Variants in PLK1 observed in about 807,000 individuals in gnomAD.
The protein encoded by PLK1 is polo like kinase 1.
In PLK1, 6 loss-of-function variants were observed where a neutral mutation model predicts 56.7. That is an observed-to-expected ratio of 0.11 (90% CI 0.06 to 0.21). PLK1 has a LOEUF of 0.21. PLK1 is among the 10% of genes least tolerant of loss of function. PLK1 has a pLI of 1.00. For synonymous variants in PLK1, 298 were observed against 325.0 expected (o/e 0.92, Z 0.89); for missense variants, 546 against 814.4 (o/e 0.67, Z 4.01).
chr16:23,684,915 C>A lies in PLK1; in HGVS notation c.1036+826C>A, dbSNP rs375687498. On this transcript the variant is annotated intron_variant, in intron 5 of 9. Transcript: ENST00000300093. ...CCTCGTGATCCGCCTGCCTCGGCCT[C>A]CCAAAGGGCTGAGATTACAGGCGTG... Among the ~76,000 whole-genome samples, 14 of 147,432 alleles carry A rather than the reference C, an allele frequency of 9.5e-5. No homozygotes were observed. The East Asian group carries it at 1.4e-3, about 15-fold the overall frequency.
intron 2 of PLK1, among the ~76,000 whole-genome samples, chr16:23,680,695 C>G (rs368653837): frequency 1.1e-4 from 16 of 152,298 alleles, no homozygotes; most frequent in African/African-American, 3.4e-4. Flanking sequence ...CAAAGCATAG[C>G]CCCTTTCTAA....
chr16:23,682,985 CTTTTT>C lies in PLK1; in HGVS notation c.816+847_816+851del, dbSNP rs1031796646. Among the ~76,000 whole-genome samples, 201 of 91,486 alleles carry C rather than the reference CTTTTT, an allele frequency of 2.2e-3. 1 individual carries two copies. Among genetic ancestry groups the C allele is most frequent in the African/African-American group, 8.0e-3 (196 of 24,630 alleles). The allele number at this position is 91,486 out of a possible 152,430, so 60.0% of individuals were successfully genotyped here. A position where few individuals can be genotyped will look rare whatever the true frequency, so the allele number is the denominator to read the frequency against. ...CTAATGGCATAGTTGTGTGCATTTT[CTTTTT>C]TTTTTTTTTTTTTTTTTTGAGATGG... On this transcript the variant is annotated intron_variant, in intron 4 of 9. Transcript: ENST00000300093.
rs1959521856 is a variant in PLK1 at position 23,690,117 on chromosome 16, G to A, written c.*54G>A. ...CTCCTCACTCCCACCTGCATCTGGG[G>A]CCCATACTGGTTGGCTCCCGCGGTG... On this transcript the variant is annotated 3_prime_UTR_variant, in exon 10 of 10. Transcript: ENST00000300093. 7.0e-7 allele frequency: 1 copy of A among 1,426,566 alleles called. No individual in the cohort carries two copies. Among genetic ancestry groups the A allele is most frequent in the Non-Finnish European group, 9.8e-7 (1 of 1,024,580 alleles). 88.4% of individuals were successfully genotyped at this position (1,426,566 alleles called of 1,614,324 possible).
At chr16:23,679,826 G>C in intron 1 of PLK1, 4 of 375,350 alleles carry the variant, frequency 1.1e-5, no homozygotes, top group Non-Finnish European at 1.5e-5. Context: ...AGGACCCCCA[G>C]GTAAGGGGGG....
rs1302143812 is a variant in PLK1 at position 23,684,014 on chromosome 16, A to G, written c.961A>G (p.Ile321Val). The G allele has an allele frequency of 1.2e-6, 2 of 1,614,108 alleles. No individual in the cohort carries two copies. The highest frequency in any genetic ancestry group is 1.7e-6 in the Non-Finnish European group (2 of 1,180,018). Residue 321 changes from isoleucine to valine, a missense_variant, in exon 5 of 10, where the codon ATT becomes GTT. Physicochemically the swap from Ile to Val is conservative, Grantham distance 29. This residue lies in a region of PLK1 where 157 missense variants were observed against 184.0 expected (regional missense o/e 0.85). Coordinates refer to ENST00000300093, the MANE Select transcript of PLK1 (RefSeq NM_005030.6). The stretch of plus-strand genomic sequence containing the variant: ...CCGTCTCCCCATCACCTGCCTGACC[A>G]TTCCACCAAGGTTTTCGATTGCTCC... ...PARLPITCLTIPPRFSIAPSS... is the reference protein window; with the variant it reads ...PARLPITCLTVPPRFSIAPSS...
intron 6 of PLK1, among the ~76,000 whole-genome samples, chr16:23,688,047 C>G (rs534941838): frequency 6.6e-6 from 1 of 152,334 alleles, no homozygotes; most frequent in Non-Finnish European, 1.5e-5. Flanking sequence ...GGCCCCTCTG[C>G]TGGTGCTTCT....
At position 23,689,420 on chromosome 16, in the gene PLK1, G is replaced by C; in HGVS notation, c.1425+28G>C. ...GAGTGCCGTCCGGCCCATGGGGGGT[G>C]GTGTTGCAGAAGTGGGACCTGTGCT... On this transcript the variant is annotated intron_variant, in intron 8 of 9. Transcript: ENST00000300093. The surrounding 1 kb of genome is among the most constrained non-coding windows in gnomAD (Gnocchi z 4.8). The C allele has an allele frequency of 1.2e-6, 2 of 1,601,650 alleles. No homozygotes were observed. The highest frequency in any genetic ancestry group is 1.7e-6 in the Non-Finnish European group (2 of 1,169,422).
At position 23,690,055 on chromosome 16, in the gene PLK1, G is replaced by T. The variant is rs763081575; in HGVS notation, c.1804G>T (p.Ala602Ser). 1.2e-6 allele frequency: 2 copies of T among 1,608,594 alleles called. No individual in the cohort carries two copies. The highest frequency in any genetic ancestry group is 1.3e-5 in the African/African-American group (1 of 74,916). ...SSRSASNRLK[A>S]S ...ACGCTCGGCCAGCAACCGTCTCAAG[G>T]CCTCCTAATAGCTGCCCTCCCCTCC... The change falls in exon 10 of 10, where the codon GCC becomes TCC. Residue 602 changes from alanine to serine, a missense_variant. Physicochemically the swap from Ala to Ser is moderately conservative, Grantham distance 99. Coordinates refer to ENST00000300093, the MANE Select transcript of PLK1 (RefSeq NM_005030.6).
In PLK1 at chr16:23,690,134, C is replaced by CCGCGGGAGCCAA; in HGVS notation, c.*72_*73insGCGGGAGCCAAC. The stretch of plus-strand genomic sequence containing the variant: ...CATCTGGGGCCCATACTGGTTGGCT[C>CCGCGGGAGCCAA]CCGCGGTGCCATGTCTGCAGTGTGC... On this transcript the variant is annotated 3_prime_UTR_variant, in exon 10 of 10. Coordinates refer to ENST00000300093, the MANE Select transcript of PLK1 (RefSeq NM_005030.6). 4 of 1,230,278 alleles carry CCGCGGGAGCCAA rather than the reference C, an allele frequency of 3.3e-6. No homozygotes were observed. Among genetic ancestry groups the CCGCGGGAGCCAA allele is most frequent in the Non-Finnish European group, 4.7e-6 (4 of 850,104 alleles). 76.2% of individuals were successfully genotyped at this position (1,230,278 alleles called of 1,614,324 possible).
At chr16:23,686,081 C>T (rs1023692215) in intron 5 of PLK1, among the ~76,000 whole-genome samples, 8 of 152,038 alleles carry the variant, frequency 5.3e-5, no homozygotes, top group African/African-American at 1.5e-4. Flanking sequence ...CTCTGTCTCC[C>T]GGGCTGGAGT....
intron 1 of PLK1, 132 bp downstream of exon 1, chr16:23,679,472 C>T (rs1567238556): frequency 1.3e-6 from 1 of 788,730 alleles, no homozygotes; most frequent in South Asian, 1.8e-5. Context: ...TGCTGGGAGC[C>T]TCCCGCTTAC....
chr16:23,688,640 A>T, intron 6 of PLK1, 28 bp from the exon 7 acceptor site: 1 of 1,580,972 alleles, frequency 6.3e-7, no homozygotes, highest in Non-Finnish European at 8.7e-7. Flanking sequence ...GTCCTGACCA[A>T]CTAACTGTCT....
At chr16:23,688,964 TG>T (rs1270792550) in intron 7 of PLK1, among the ~76,000 whole-genome samples, 2 of 151,934 alleles carry the variant, frequency 1.3e-5, no homozygotes, top group Non-Finnish European at 2.9e-5. Flanking sequence ...TGGAGTGCAG[TG>T]GCACAATCAT....
rs555101658 is a variant in PLK1, at chr16:23,690,318, G to A, written c.*255G>A. The A allele has an allele frequency of 4.7e-5, 27 of 574,858 alleles. No individual in the cohort carries two copies. The highest frequency in any genetic ancestry group is 4.1e-4 in the African/African-American group (22 of 53,654). The allele number at this position is 574,858 out of a possible 1,614,324, so 35.6% of individuals were successfully genotyped here. On this transcript the variant is annotated 3_prime_UTR_variant, in exon 10 of 10. Coordinates refer to ENST00000300093, the MANE Select transcript of PLK1 (RefSeq NM_005030.6). ...TGTACAGAATATTTCTATTGAATTCGGAACTGTCCTTTCCTTGGCTTTATG... is the reference window on the plus strand; with the variant it reads ...TGTACAGAATATTTCTATTGAATTCAGAACTGTCCTTTCCTTGGCTTTATG...
chr16:23,679,501 G>C, intron 1 of PLK1, 161 bp downstream of exon 1: 3 of 643,238 alleles, frequency 4.7e-6, no homozygotes, highest in South Asian at 4.1e-5. Context: ...AGTGTCTTTG[G>C]TAAGGGCTTC....
chr16:23,688,454 G>C (rs1318416970), intron 6 of PLK1, among the ~76,000 whole-genome samples: 1 of 152,240 alleles, frequency 6.6e-6, no homozygotes, highest in Non-Finnish European at 1.5e-5. Flanking sequence ...GCTGTGCTGA[G>C]ACTTTCTCTG....
At position 23,689,721 on chromosome 16, in the gene PLK1, C is replaced by T; in HGVS notation, c.1608+45C>T. ...GCGCAGGAGAGAGCTGGGGTAGGCTCCGCATGCCTGGCAGTGGCCCATGTG... is the reference window on the plus strand; with the variant it reads ...GCGCAGGAGAGAGCTGGGGTAGGCTTCGCATGCCTGGCAGTGGCCCATGTG... On this transcript the variant is annotated intron_variant, in intron 9 of 9. Coordinates refer to ENST00000300093, the MANE Select transcript of PLK1 (RefSeq NM_005030.6). This position sits in a 1 kb window ranked among gnomAD's most constrained non-coding sequence, Gnocchi z 4.8. 1 of 1,569,290 alleles carries T rather than the reference C, an allele frequency of 6.4e-7. No homozygotes were observed. The highest frequency in any genetic ancestry group is 1.1e-5 in the South Asian group (1 of 88,090).
chr16:23,679,666 G>A (rs182635093), intron 1 of PLK1: 1 of 305,960 alleles, frequency 3.3e-6, no homozygotes, highest in East Asian at 6.0e-5. Context: ...GGAGTCCCAG[G>A]TTAGTGATGC....
At position 23,680,969 on chromosome 16, in the gene PLK1, G is replaced by C; in HGVS notation, c.633G>C (p.Leu211=). 1.9e-6 allele frequency: 3 copies of C among 1,612,866 alleles called. No homozygotes were observed. Among genetic ancestry groups the C allele is most frequent in the East Asian group, 2.2e-5 (1 of 44,828 alleles). ...ATGACGGGGAGAGGAAGAAGACCCT[G>C]TGTGGGACTCCTAATTACATAGCTC... ...VEYDGERKKT[L]CGTPNYIAPE... Residue 211 remains leucine, a synonymous_variant, in exon 3 of 10, where the codon CTG becomes CTC. Coordinates refer to ENST00000300093, the MANE Select transcript of PLK1 (RefSeq NM_005030.6).
Sources: allele counts gnomAD v4.1 joint callset (sites outside exome capture counted in the v4.1 genomes callset), GRCh38; gene constraint gnomAD v4.1.1; regional missense constraint gnomAD v4.1.1; non-coding constraint Gnocchi (gnomAD v3.1); transcripts MANE v1.5; gene names NCBI Gene and HGNC (gene_info 2026-07-23, HGNC 2026-07-21).